KCNN2: variants seen among roughly 807,000 people sequenced by gnomAD.
KCNN2 encodes the protein small conductance calcium-activated potassium channel protein 2.
KCNN2 carries 24 observed loss-of-function variants against 55.5 expected under a neutral mutation model. The observed-to-expected ratio is 0.43, with a 90% CI of 0.31 to 0.61. The LOEUF (loss-of-function observed/expected upper bound fraction) is 0.61. KCNN2 is among the 20% of genes least tolerant of loss of function. The pLI is 0.08. For missense variants in KCNN2, 754 were observed against 853.6 expected (o/e 0.88, Z 1.45); for synonymous variants, 431 against 336.1 (o/e 1.28, Z -3.09).
chr5:114,114,113 C>T (rs1751663651), intron 1 of KCNN2, among the ~76,000 whole-genome samples: 1 of 152,042 alleles, frequency 6.6e-6, no homozygotes, highest in Non-Finnish European at 1.5e-5. Flanking sequence ...TCTGGTTTTT[C>T]TATTAATCAC....
intron 2 of KCNN2, among the ~76,000 whole-genome samples, chr5:114,264,005 C>G (rs896927754): frequency 6.6e-6 from 1 of 152,176 alleles, no homozygotes; most frequent in African/African-American, 2.4e-5. Flanking sequence ...TCCCTACCAC[C>G]CAGCTGTGTA....
chr5:114,181,312 G>GT (rs1183133547), intron 1 of KCNN2, among the ~76,000 whole-genome samples: 1 of 152,130 alleles, frequency 6.6e-6, no homozygotes, highest in Non-Finnish European at 1.5e-5. Context: ...TGTATGTGTA[G>GT]TATCACCTTG....
chr5:114,281,876 A>G (rs2150013238), intron 2 of KCNN2, among the ~76,000 whole-genome samples: 1 of 151,936 alleles, frequency 6.6e-6, no homozygotes, highest in East Asian at 1.9e-4. Context: ...TTTTTTTTCT[A>G]GGGTCTATTA....
At chr5:114,461,675 T>C (rs891543478) in intron 3 of KCNN2, among the ~76,000 whole-genome samples, 2 of 151,592 alleles carry the variant, frequency 1.3e-5, no homozygotes, top group African/African-American at 4.9e-5. Flanking sequence ...CCCTGTAAGA[T>C]AAATCTGCAT....
At chr5:114,161,933 T>TGCCATTGGTTCAAGCTTCCTC (rs1287223634) in intron 1 of KCNN2, among the ~76,000 whole-genome samples, 2 of 152,186 alleles carry the variant, frequency 1.3e-5, no homozygotes, top group East Asian at 3.9e-4. Flanking sequence ...TTAACTTCGT[T>TGCCATTGGTTCAAGCTTCCTC]GCCATTGGTT....
intron 2 of KCNN2, among the ~76,000 whole-genome samples, chr5:114,386,418 G>C (rs1160869783): frequency 1.3e-5 from 2 of 152,010 alleles, no homozygotes; most frequent in South Asian, 2.1e-4. Flanking sequence ...AATTAAATTT[G>C]ATTGAGTTCT....
At chr5:114,307,534 C>T (rs1437054807) in intron 2 of KCNN2, among the ~76,000 whole-genome samples, 2 of 152,084 alleles carry the variant, frequency 1.3e-5, no homozygotes, top group Admixed American at 6.6e-5. Context: ...TACTGTAAAA[C>T]CCAGTGCCAT....
In KCNN2 at chr5:114,215,789, AT is replaced by A. The variant is rs373310366; in HGVS notation, c.-270-5685del. Among the ~76,000 whole-genome samples, 232 of 152,166 alleles carry A rather than the reference AT, an allele frequency of 1.5e-3. 1 individual carries two copies. Among genetic ancestry groups the A allele is most frequent in the Middle Eastern group, 0.014 (4 of 294 alleles). On this transcript the variant is annotated intron_variant, in intron 1 of 10. Transcript: ENST00000512097. ...TATTTGGAAAATAGTTCTGTAAATA[AT>A]TTTTTGAAGCTCCTTTTGCACCTTT...
intron 2 of KCNN2, among the ~76,000 whole-genome samples, chr5:114,389,086 G>A (rs560128835): frequency 2.6e-5 from 4 of 151,716 alleles, no homozygotes; most frequent in Middle Eastern, 3.4e-3. Flanking sequence ...GCTTTTTAGT[G>A]GTGTGTGTAT....
At chr5:114,191,913 T>G (rs914581200) in intron 1 of KCNN2, among the ~76,000 whole-genome samples, 4 of 152,066 alleles carry the variant, frequency 2.6e-5, no homozygotes, top group African/African-American at 9.7e-5. Flanking sequence ...ACCAAATTGG[T>G]TTATTAATGT....
intron 1 of KCNN2, among the ~76,000 whole-genome samples, chr5:114,074,550 A>G (rs1750646950): frequency 6.6e-6 from 1 of 152,176 alleles, no homozygotes; most frequent in African/African-American, 2.4e-5. Context: ...ATTCAGGACC[A>G]GCTTTTGTGG....
rs1257834412 is a variant in KCNN2 at position 114,335,810 on chromosome 5, A to G, written c.-184-25135A>G. On this transcript the variant is annotated intron_variant, in intron 2 of 10. Coordinates refer to the KCNN2 transcript ENST00000512097. ...TGGTTAGAAATATGGGAAGAGGTTC[A>G]GAATCACACGGAGCCCTAAGAAGCA... Among the ~76,000 whole-genome samples the G allele has an allele frequency of 2.0e-5, 3 of 152,198 alleles. No homozygotes were observed. In the East Asian group the frequency reaches 5.8e-4, roughly 29 times the overall value.
intron 2 of KCNN2, among the ~76,000 whole-genome samples, chr5:114,337,205 G>C (rs757358160): frequency 5.9e-5 from 9 of 152,106 alleles, no homozygotes; most frequent in Non-Finnish European, 1.3e-4. Flanking sequence ...TGAAATATTG[G>C]ATATGATGGG....
intron 1 of KCNN2, among the ~76,000 whole-genome samples, chr5:114,108,423 C>A (rs1751531602): frequency 6.6e-6 from 1 of 151,930 alleles, no homozygotes; most frequent in Non-Finnish European, 1.5e-5. Flanking sequence ...AATTATACAG[C>A]TCTTAAGTTT....
chr5:114,121,305 A>G (rs1481216015), intron 1 of KCNN2, among the ~76,000 whole-genome samples: 1 of 152,132 alleles, frequency 6.6e-6, no homozygotes, highest in Non-Finnish European at 1.5e-5. Context: ...CTGCAAGCCC[A>G]TGTAGTATTT....
At chr5:114,100,615 C>T (rs1201381824) in intron 1 of KCNN2, among the ~76,000 whole-genome samples, 3 of 151,962 alleles carry the variant, frequency 2.0e-5, no homozygotes, top group Non-Finnish European at 4.4e-5. Flanking sequence ...TATGTATGTG[C>T]TCTGCCCATC....
rs183412116 is a variant in KCNN2 at position 114,286,857 on chromosome 5, T to C, written c.-185+65292T>C. Among the ~76,000 whole-genome samples the C allele has an allele frequency of 2.5e-4, 38 of 152,338 alleles. No homozygotes were observed. The East Asian group carries it at 3.7e-3, about 15-fold the overall frequency. ...GAAGAAGAGATTTAGGAAGAAATGG[T>C]TAATTTGAACTGCCTTTAGACTATC... On this transcript the variant is annotated intron_variant, in intron 2 of 10. Transcript: ENST00000512097.
intron 5 of KCNN2, among the ~76,000 whole-genome samples, chr5:114,482,538 A>G (rs1274597528): frequency 1.3e-5 from 2 of 152,230 alleles, no homozygotes; most frequent in Admixed American, 1.3e-4. Flanking sequence ...ACATACCCAA[A>G]GGAATATAAA....
rs571784517 is a variant in KCNN2 at position 114,370,576 on chromosome 5, C to T, written c.1218+6575C>T. Reference sequence around the variant, plus strand: ...GACAGGACCATCAAGGGAGGACTTTCTGAGAAAGTGACATTTAAACTGAGA... The same window carrying T: ...GACAGGACCATCAAGGGAGGACTTTTTGAGAAAGTGACATTTAAACTGAGA... On this transcript the variant is annotated intron_variant, in intron 2 of 7. Coordinates refer to ENST00000673685, the MANE Select transcript of KCNN2 (RefSeq NM_021614.4). Among the ~76,000 whole-genome samples the T allele has an allele frequency of 2.6e-5, 4 of 152,108 alleles. No individual in the cohort carries two copies. In the East Asian group the frequency reaches 7.8e-4, roughly 29 times the overall value.
Sources: allele counts gnomAD v4.1 joint callset (sites outside exome capture counted in the v4.1 genomes callset), GRCh38; gene constraint gnomAD v4.1.1; transcripts MANE v1.5; gene names NCBI Gene and HGNC (gene_info 2026-07-23, HGNC 2026-07-21).